RTL4: variants seen among roughly 807,000 people sequenced by gnomAD.
The protein encoded by RTL4 is retrotransposon Gag like 4, also known as retrotransposon Gag-like protein 4.
Under a neutral mutation model 5.3 loss-of-function variants are expected in RTL4, and 4 were observed. That is an observed-to-expected ratio of 0.75 (90% CI 0.37 to 1.72). RTL4 has a LOEUF of 1.72. Among genes scored for constraint, RTL4 ranks in the 40% most tolerant of loss-of-function variants. RTL4 has a pLI of 0.04. For synonymous variants in RTL4, 98 were observed against 87.3 expected (o/e 1.12, Z -0.68); for missense variants, 260 against 227.1 (o/e 1.14, Z -0.93).
the RTL4 span, among the ~76,000 whole-genome samples, chrX:112,325,977 G>C: frequency 1.4e-3 from 161 of 112,182 alleles, 1 homozygote; most frequent in Admixed American, 0.015. Flanking sequence ...CCATCAACAA[G>C]TGGGCAAAGG....
chrX:112,262,994 A>G, the RTL4 span, among the ~76,000 whole-genome samples: 1 of 97,086 alleles, frequency 1.0e-5, no homozygotes, highest in Non-Finnish European at 2.0e-5. Flanking sequence ...ATAGGTGGGA[A>G]TTGAACAATG....
the RTL4 span, among the ~76,000 whole-genome samples, chrX:112,300,142 G>A: frequency 1.8e-5 from 2 of 110,450 alleles, no homozygotes; most frequent in Admixed American, 9.7e-5. Context: ...AATATATAAA[G>A]GTCCTTTCAC....
chrX:112,339,745 A>T, the RTL4 span, among the ~76,000 whole-genome samples: 1 of 112,749 alleles, frequency 8.9e-6, no homozygotes, highest in Admixed American at 9.4e-5. Flanking sequence ...TTGGCATTTT[A>T]GAAAAGTAAA....
chrX:112,372,203 A>AT, the RTL4 span, among the ~76,000 whole-genome samples: 4 of 110,397 alleles, frequency 3.6e-5, no homozygotes, highest in Admixed American at 1.9e-4. Flanking sequence ...TTGTTTTTTA[A>AT]TTTTTTTTTA....
At chrX:112,268,716 A>G in the RTL4 span, among the ~76,000 whole-genome samples, 1 of 112,004 alleles carries the variant, frequency 8.9e-6, no homozygotes, top group East Asian at 2.8e-4. Context: ...CTCTGTCTGG[A>G]GAGAGCATCT....
chrX:112,169,042 T>TTCTTTCTTTCTTTCTTTCTG, the RTL4 span, among the ~76,000 whole-genome samples: 16 of 32,628 alleles, frequency 4.9e-4, no homozygotes, highest in African/African-American at 1.2e-3. Context: ...CTTTCTTTCT[T>TTCTTTCTTTCTTTCTTTCTG]TCTTTCTTTC....
the RTL4 span, among the ~76,000 whole-genome samples, chrX:112,201,600 C>T: frequency 9.1e-6 from 1 of 109,828 alleles, no homozygotes; most frequent in African/African-American, 3.3e-5. Flanking sequence ...ACCTAACCCA[C>T]CGGGAGCACA....
chrX:112,096,796 G>C, the RTL4 span, among the ~76,000 whole-genome samples: 2 of 112,161 alleles, frequency 1.8e-5, no homozygotes, highest in East Asian at 5.6e-4. Flanking sequence ...TACTCTGTGA[G>C]AGAGAGTTAC....
At chrX:112,122,193 A>G in the RTL4 span, among the ~76,000 whole-genome samples, 2 of 111,809 alleles carry the variant, frequency 1.8e-5, no homozygotes, top group Non-Finnish European at 3.8e-5. Flanking sequence ...GTGTCCATCA[A>G]CAGATGAATG....
At chrX:112,423,125 GA>G in the RTL4 span, among the ~76,000 whole-genome samples, 1 of 109,915 alleles carries the variant, frequency 9.1e-6, no homozygotes, top group Non-Finnish European at 1.9e-5. Context: ...GGGGGGATGG[GA>G]TTCCTATGAT....
the RTL4 span, among the ~76,000 whole-genome samples, chrX:112,369,081 C>G: frequency 8.9e-6 from 1 of 112,611 alleles, no homozygotes; most frequent in Non-Finnish European, 1.9e-5. Context: ...AATGTACCTA[C>G]ATACACTTTG....
At chrX:112,456,972 A>T (rs1926855967) in exon 1 of RTL4, 1 of 123,263 alleles carries the variant, frequency 8.1e-6, no homozygotes, top group African/African-American at 3.2e-5. Context: ...ACTCCCTAAA[A>T]TGTTAAAACT....
At chrX:112,402,464 G>C in the RTL4 span, among the ~76,000 whole-genome samples, 1 of 107,666 alleles carries the variant, frequency 9.3e-6, no homozygotes, top group Non-Finnish European at 1.9e-5. Flanking sequence ...TGTTTTCTAA[G>C]ACAGTTTGAG....
chrX:112,299,651 A>G, the RTL4 span, among the ~76,000 whole-genome samples: 2 of 111,587 alleles, frequency 1.8e-5, no homozygotes, highest in Non-Finnish European at 1.9e-5. Context: ...GGAGTCTGCA[A>G]TAGTGCATTC....
chrX:112,352,807 C>T, the RTL4 span, among the ~76,000 whole-genome samples: 1 of 111,596 alleles, frequency 9.0e-6, no homozygotes, highest in Non-Finnish European at 1.9e-5. Flanking sequence ...AAAGCAATGG[C>T]AACAAAAGAC....
At chrX:112,165,090 G>T in the RTL4 span, among the ~76,000 whole-genome samples, 1 of 111,321 alleles carries the variant, frequency 9.0e-6, no homozygotes, top group African/African-American at 3.3e-5. Context: ...AAATCCTATT[G>T]CACTCATTGT....
the RTL4 span, among the ~76,000 whole-genome samples, chrX:112,242,355 G>T: frequency 3.6e-5 from 4 of 111,467 alleles, no homozygotes; most frequent in Non-Finnish European, 7.5e-5. Flanking sequence ...ATTCGTTTGT[G>T]TCCTCTTTTA....
the RTL4 span, among the ~76,000 whole-genome samples, chrX:112,438,201 T>C: frequency 9.7e-6 from 1 of 103,396 alleles, no homozygotes; most frequent in African/African-American, 3.7e-5. Context: ...TCTGTGGCTG[T>C]AGTCATCTGA....
the RTL4 span, among the ~76,000 whole-genome samples, chrX:112,446,887 T>C: frequency 1.8e-5 from 2 of 111,716 alleles, no homozygotes; most frequent in African/African-American, 6.5e-5. Context: ...AGATAGTGAA[T>C]GGGGAACAGT....
Sources: allele counts gnomAD v4.1 joint callset (sites outside exome capture counted in the v4.1 genomes callset), GRCh38; gene constraint gnomAD v4.1.1; transcripts MANE v1.5; gene names NCBI Gene and HGNC (gene_info 2026-07-23, HGNC 2026-07-21).